Variants in EPHA6 observed in about 807,000 individuals in gnomAD.
The protein encoded by EPHA6 is EPH receptor A6.
EPHA6 carries 50 observed loss-of-function variants against 112.0 expected under a neutral mutation model. That is an observed-to-expected ratio of 0.45 (90% confidence interval 0.36 to 0.56). The LOEUF is 0.56. EPHA6 is among the 20% of genes least tolerant of loss of function. The pLI, the probability that EPHA6 is intolerant of heterozygous loss-of-function variation, is 0.00. For missense variants in EPHA6, 1,280 were observed against 1,417.4 expected (o/e 0.90, Z 1.56); for synonymous variants, 529 against 490.7 (o/e 1.08, Z -1.03).
intron 6 of EPHA6, among the ~76,000 whole-genome samples, chr3:97,413,943 G>A (rs957536491): frequency 2.0e-5 from 3 of 151,658 alleles, no homozygotes; most frequent in African/African-American, 7.3e-5. Flanking sequence ...ATATTCCCTG[G>A]AGACAAATGC....
At chr3:96,902,690 A>G (rs527500241) in intron 2 of EPHA6, among the ~76,000 whole-genome samples, 7 of 152,270 alleles carry the variant, frequency 4.6e-5, no homozygotes, top group Admixed American at 3.9e-4. Flanking sequence ...CTGCTGAACT[A>G]GCTCTGCTTC....
intron 3 of EPHA6, among the ~76,000 whole-genome samples, chr3:97,123,134 G>A (rs2048088671): frequency 6.6e-6 from 1 of 151,842 alleles, no homozygotes; most frequent in African/African-American, 2.4e-5. Flanking sequence ...CACAAATTAG[G>A]TACAATCTAC....
chr3:97,567,564 C>T (rs2093283673), intron 11 of EPHA6, among the ~76,000 whole-genome samples: 1 of 152,080 alleles, frequency 6.6e-6, no homozygotes, highest in South Asian at 2.1e-4. Flanking sequence ...CAATGAAGTC[C>T]TACTGGAGTA....
intron 3 of EPHA6, among the ~76,000 whole-genome samples, chr3:97,018,168 A>G (rs142373396): frequency 1.9e-4 from 29 of 151,934 alleles, no homozygotes; most frequent in African/African-American, 6.5e-4. Context: ...TGTTAAATTT[A>G]CCTGATAGAA....
intron 3 of EPHA6, among the ~76,000 whole-genome samples, chr3:97,111,167 A>G (rs1473214454): frequency 1.3e-5 from 2 of 152,186 alleles, no homozygotes; most frequent in African/African-American, 4.8e-5. Context: ...TTCATCATGT[A>G]CAGACTTAGA....
chr3:96,829,183 T>A (rs181718928), intron 1 of EPHA6, among the ~76,000 whole-genome samples: 55 of 152,244 alleles, frequency 3.6e-4, no homozygotes, highest in Non-Finnish European at 2.1e-4. Flanking sequence ...TTGCTTAAAA[T>A]ATATGAAAGT....
chr3:96,891,805 G>A (rs770500130), intron 2 of EPHA6, among the ~76,000 whole-genome samples: 11 of 152,120 alleles, frequency 7.2e-5, no homozygotes, highest in Non-Finnish European at 1.3e-4. Context: ...AAAATTTATC[G>A]ATCTGTACAT....
chr3:97,221,169 T>G (rs1315192490), intron 3 of EPHA6, among the ~76,000 whole-genome samples: 1 of 151,500 alleles, frequency 6.6e-6, no homozygotes, highest in Non-Finnish European at 1.5e-5. Flanking sequence ...AGAAATTAGA[T>G]GGGCATGGTG....
intron 5 of EPHA6, among the ~76,000 whole-genome samples, chr3:97,329,531 T>A (rs1254366365): frequency 6.6e-6 from 1 of 150,784 alleles, no homozygotes; most frequent in Non-Finnish European, 1.5e-5. Flanking sequence ...AGATGGTATC[T>A]CATTGTGGTT....
intron 2 of EPHA6, among the ~76,000 whole-genome samples, chr3:96,891,948 C>CTTGTCAG (rs1190880294): frequency 1.3e-5 from 2 of 152,172 alleles, no homozygotes; most frequent in Non-Finnish European, 2.9e-5. Context: ...GAGAGTTATT[C>CTTGTCAG]TTGTCAGTTG....
chr3:96,820,917 A>C (rs2033206568), intron 1 of EPHA6, among the ~76,000 whole-genome samples: 1 of 151,976 alleles, frequency 6.6e-6, no homozygotes, highest in South Asian at 2.1e-4. Flanking sequence ...AGGATTTGAC[A>C]TATGTACCAG....
chr3:97,224,420 G>A (rs114665447), intron 3 of EPHA6, among the ~76,000 whole-genome samples: 1,762 of 152,216 alleles, frequency 0.012, 34 homozygotes, highest in African/African-American at 0.04. Context: ...CAGAAAACAC[G>A]TCAGATAAGA....
At position 97,607,915 on chromosome 3, in the gene EPHA6, T is replaced by C. The variant is rs985192923; in HGVS notation, c.2513-2878T>C. 1.2e-4 allele frequency among the ~76,000 whole-genome samples: 18 copies of C among 151,320 alleles called. 1 individual carries two copies. The highest frequency in any genetic ancestry group is 1.0e-3 in the South Asian group (5 of 4,822). ...CTGTTGCCAATAGACTTCTCTCACCTAAAACAGATTTAAAGATTAACATCC... is the reference window on the plus strand; with the variant it reads ...CTGTTGCCAATAGACTTCTCTCACCCAAAACAGATTTAAAGATTAACATCC... On this transcript the variant is annotated intron_variant, in intron 12 of 17. Coordinates refer to ENST00000389672, the MANE Select transcript of EPHA6 (RefSeq NM_001080448.3).
chr3:97,040,485 A>G (rs181097297), intron 3 of EPHA6, among the ~76,000 whole-genome samples: 1 of 152,128 alleles, frequency 6.6e-6, no homozygotes, highest in Admixed American at 6.6e-5. Flanking sequence ...TGTGTAAGCC[A>G]TTTTCAATTT....
At chr3:97,483,536 A>G (rs2091615367) in intron 9 of EPHA6, among the ~76,000 whole-genome samples, 2 of 152,186 alleles carry the variant, frequency 1.3e-5, no homozygotes, top group Non-Finnish European at 2.9e-5. Context: ...GTAGAGTACA[A>G]AGAGTCCAGG....
chr3:97,546,907 C>T lies in EPHA6; in HGVS notation c.2386+14364C>T, dbSNP rs551543910. ...CACGTAGCTCTCATGCCTTGGTTTT[C>T]AGCTCCATCAGGTCCTTTAAGGACT... On this transcript the variant is annotated intron_variant, in intron 11 of 17. Transcript: ENST00000389672. 2.6e-4 allele frequency among the ~76,000 whole-genome samples: 40 copies of T among 152,366 alleles called. 1 individual carries two copies. The highest frequency in any genetic ancestry group is 1.4e-3 in the Admixed American group (21 of 15,304).
intron 5 of EPHA6, among the ~76,000 whole-genome samples, chr3:97,387,267 G>A (rs2086123308): frequency 6.6e-6 from 1 of 150,926 alleles, no homozygotes; most frequent in Non-Finnish European, 1.5e-5. Context: ...TGATGGGACT[G>A]CAAATTTTCC....
chr3:97,258,273 C>T (rs969318904), intron 5 of EPHA6, among the ~76,000 whole-genome samples: 13 of 150,848 alleles, frequency 8.6e-5, no homozygotes, highest in African/African-American at 3.2e-4. Context: ...CACACACACA[C>T]ATACATAACA....
chr3:97,702,186 T>A (rs2033433145), intron 14 of EPHA6, among the ~76,000 whole-genome samples: 1 of 152,216 alleles, frequency 6.6e-6, no homozygotes, highest in Non-Finnish European at 1.5e-5. Flanking sequence ...ACATGGATTT[T>A]GAGGGTCAAA....
Sources: gnomAD v4.1 joint callset for allele counts (sites outside exome capture counted in the v4.1 genomes callset) on GRCh38, gnomAD v4.1.1 for gene constraint, MANE v1.5 for transcripts, NCBI Gene and HGNC (gene_info 2026-07-23, HGNC 2026-07-21) for gene names.